Variants in RBFOX1 observed in about 807,000 individuals in gnomAD.
RBFOX1 encodes the protein RNA binding protein fox-1 homolog 1.
Under a neutral mutation model 57.7 loss-of-function variants are expected in RBFOX1, and 8 were observed. The ratio of observed to expected loss-of-function variants is 0.14; its 90% CI spans 0.08 to 0.25. RBFOX1 has a LOEUF of 0.25. RBFOX1 is among the 10% of genes least tolerant of loss of function. The probability of loss-of-function intolerance (pLI) is 1.00; values close to 1 mark genes in which losing one functional copy is unlikely to be tolerated. For synonymous variants in RBFOX1, 326 were observed against 222.4 expected (o/e 1.47, Z -4.15); for missense variants, 611 against 548.5 (o/e 1.11, Z -1.14).
rs150092079 is a variant in RBFOX1, at chr16:7,053,836, G to T, written c.27+1738G>T. 1.7e-4 allele frequency among the ~76,000 whole-genome samples: 26 copies of T among 152,200 alleles called. No individual in the cohort carries two copies. In the East Asian group the frequency reaches 4.6e-3, roughly 27 times the overall value. On this transcript the variant is annotated intron_variant, in intron 4 of 15. Coordinates refer to ENST00000550418, the MANE Select transcript of RBFOX1 (RefSeq NM_018723.4). ...AACATCACGAACCAGTGCTTTGTTT[G>T]TTGTTACTTTTATGGTCACTGTTCT...
chr16:7,132,928 A>G (rs1389144488), intron 4 of RBFOX1, among the ~76,000 whole-genome samples: 2 of 152,246 alleles, frequency 1.3e-5, no homozygotes, highest in Non-Finnish European at 2.9e-5. Context: ...TTAACAGGAT[A>G]CATTTTTTCA....
chr16:6,625,297 G>T (rs897581438), intron 2 of RBFOX1, among the ~76,000 whole-genome samples: 1 of 151,488 alleles, frequency 6.6e-6, no homozygotes, highest in Non-Finnish European at 1.5e-5. Context: ...GAATAGAGTC[G>T]ATTTAAATTA....
intron 4 of RBFOX1, among the ~76,000 whole-genome samples, chr16:5,894,773 G>C (rs2058122438): frequency 6.6e-6 from 1 of 152,012 alleles, no homozygotes; most frequent in Non-Finnish European, 1.5e-5. Context: ...TGTAATCCCA[G>C]CACTTTGGGA....
intron 4 of RBFOX1, among the ~76,000 whole-genome samples, chr16:5,882,403 A>G (rs917697394): frequency 6.6e-6 from 1 of 152,196 alleles, no homozygotes; most frequent in South Asian, 2.1e-4. Flanking sequence ...GAAAAGTCAT[A>G]CATTACTTTT....
In RBFOX1 at chr16:7,051,825, C is replaced by G. The variant is rs958918365; in HGVS notation, c.-15-232C>G. Among the ~76,000 whole-genome samples the G allele has an allele frequency of 4.6e-5, 7 of 152,276 alleles. No individual in the cohort carries two copies. The East Asian group carries it at 1.4e-3, about 29-fold the overall frequency. ...GCCTCCCACACATACTCCTGCACGT[C>G]TCTCCTCTTCCCCTTTCCAGTCTCT... On this transcript the variant is annotated intron_variant, in intron 3 of 15. Coordinates refer to ENST00000550418, the MANE Select transcript of RBFOX1 (RefSeq NM_018723.4).
chr16:6,262,960 TG>T (rs964759336), intron 1 of RBFOX1, among the ~76,000 whole-genome samples: 1 of 152,122 alleles, frequency 6.6e-6, no homozygotes, highest in African/African-American at 2.4e-5. Context: ...CCGCTTTAGA[TG>T]TGGAGTAGAC....
At chr16:6,204,449 C>A (rs1010902833) in intron 1 of RBFOX1, among the ~76,000 whole-genome samples, 1 of 152,090 alleles carries the variant, frequency 6.6e-6, no homozygotes, top group Non-Finnish European at 1.5e-5. Context: ...ACTTGCTAGG[C>A]ACTTGGGAGA....
intron 2 of RBFOX1, among the ~76,000 whole-genome samples, chr16:6,507,437 A>G (rs2096129956): frequency 6.8e-6 from 1 of 146,372 alleles, no homozygotes; most frequent in African/African-American, 2.6e-5. Context: ...TTGTGAGGCT[A>G]AGGCAGGAGG....
chr16:6,641,734 CAAAAAAAAAAAAAAAAAAAAAAAAAAAA>C (rs869202831), intron 2 of RBFOX1, among the ~76,000 whole-genome samples: 1 of 68,974 alleles, frequency 1.4e-5, no homozygotes, highest in African/African-American at 6.3e-5. Context: ...GACTCCGTCT[CAAAAAAAAAAAAAAAAAAAAAAAAAAAA>C]AAAAAAAAAA....
intron 4 of RBFOX1, among the ~76,000 whole-genome samples, chr16:7,141,594 A>G (rs899334284): frequency 2.0e-5 from 3 of 152,286 alleles, no homozygotes; most frequent in South Asian, 2.1e-4. Flanking sequence ...CCTGTACCAG[A>G]TGAAAGATTG....
chr16:6,521,164 A>G (rs1028951978), intron 2 of RBFOX1, among the ~76,000 whole-genome samples: 1 of 152,098 alleles, frequency 6.6e-6, no homozygotes, highest in Non-Finnish European at 1.5e-5. Flanking sequence ...AATAAATGGG[A>G]GAAGAAAAAT....
At position 7,173,313 on chromosome 16, in the gene RBFOX1, A is replaced by T. The variant is rs13330149; in HGVS notation, c.27+121215A>T. On this transcript the variant is annotated intron_variant, in intron 4 of 15. Transcript: ENST00000550418. ...TTAGAAACCATAATTTGAAGAAACT[A>T]ATAGCTGGAGCTCAGTGCCACCATC... Among the ~76,000 whole-genome samples, 1,389 of 152,224 alleles carry T rather than the reference A, an allele frequency of 9.1e-3. 24 individuals are homozygous for T. The highest frequency in any genetic ancestry group is 0.032 in the African/African-American group (1,311 of 41,504).
intron 2 of RBFOX1, among the ~76,000 whole-genome samples, chr16:6,428,595 T>A (rs528033108): frequency 1.4e-4 from 21 of 152,308 alleles, no homozygotes; most frequent in Middle Eastern, 3.4e-3. Context: ...TAGGAATTAA[T>A]GTATGTAAAG....
At chr16:6,580,869 A>G (rs558411715) in intron 2 of RBFOX1, among the ~76,000 whole-genome samples, 51 of 149,176 alleles carry the variant, frequency 3.4e-4, no homozygotes, top group African/African-American at 3.2e-4. Flanking sequence ...ATGGAACTCA[A>G]TTTTTCCAGA....
At chr16:7,437,762 C>G (rs112412355) in intron 4 of RBFOX1, among the ~76,000 whole-genome samples, 2 of 151,986 alleles carry the variant, frequency 1.3e-5, no homozygotes, top group African/African-American at 4.8e-5. Flanking sequence ...TACTGCTCGA[C>G]GTGGCAAAGA....
intron 4 of RBFOX1, among the ~76,000 whole-genome samples, chr16:7,322,970 G>T (rs2096564909): frequency 6.6e-6 from 1 of 152,110 alleles, no homozygotes; most frequent in Admixed American, 6.5e-5. Flanking sequence ...CTCAGTGGTG[G>T]GTGGTGTAGG....
At chr16:7,261,341 C>T (rs1046159774) in intron 4 of RBFOX1, among the ~76,000 whole-genome samples, 1 of 152,170 alleles carries the variant, frequency 6.6e-6, no homozygotes, top group Non-Finnish European at 1.5e-5. Context: ...ATATCATTAT[C>T]ATCACTACTA....
intron 3 of RBFOX1, among the ~76,000 whole-genome samples, chr16:6,714,188 C>T (rs1016007362): frequency 6.6e-6 from 1 of 152,224 alleles, no homozygotes; most frequent in African/African-American, 2.4e-5. Flanking sequence ...ATGCCTGCCT[C>T]AACTTCTGCC....
intron 1 of RBFOX1, among the ~76,000 whole-genome samples, chr16:6,213,437 A>G (rs1311908857): frequency 6.6e-6 from 1 of 152,106 alleles, no homozygotes; most frequent in Non-Finnish European, 1.5e-5. Flanking sequence ...GGCAATATGG[A>G]AAACCTCCTA....
Sources: allele counts gnomAD v4.1 joint callset (sites outside exome capture counted in the v4.1 genomes callset), GRCh38; gene constraint gnomAD v4.1.1; transcripts MANE v1.5; gene names NCBI Gene and HGNC (gene_info 2026-07-23, HGNC 2026-07-21).